Variants in ABHD3 observed in about 807,000 individuals in gnomAD.
ABHD3 encodes abhydrolase domain containing 3, phospholipase.
ABHD3 carries 46 observed loss-of-function variants against 48.8 expected under a neutral mutation model. That is an observed-to-expected ratio of 0.94 (90% confidence interval 0.74 to 1.20). The LOEUF (loss-of-function observed/expected upper bound fraction) is 1.20. Ranked by LOEUF, ABHD3 falls within the 50% of genes most tolerant of loss-of-function variation. The probability of loss-of-function intolerance (pLI) is 0.00; values close to 1 mark genes in which losing one functional copy is unlikely to be tolerated. For synonymous variants in ABHD3, 192 were observed against 183.7 expected (o/e 1.04, Z -0.36); for missense variants, 490 against 497.8 (o/e 0.98, Z 0.15).
At chr18:21,656,819 A>G (rs1233134895) in intron 8 of ABHD3, 42 bp downstream of exon 8, 1 of 1,490,244 alleles carries the variant, frequency 6.7e-7, no homozygotes, top group East Asian at 2.4e-5. Flanking sequence ...ATATATTAAA[A>G]GTTGATTCAT....
Position 21,651,691 on chromosome 18 carries a change from C to G in ABHD3, c.1130G>C (p.Gly377Ala). Residue 377 changes from glycine to alanine, a missense_variant, in exon 9 of 9, where the codon GGT becomes GCT. By Grantham distance (60) the Gly-to-Ala change is moderately conservative. Transcript: ENST00000289119. ...LVLTSYGGHI[G>A]FLEGIWPRQS... Reference sequence around the variant, plus strand: ...TCTTGGCCAGATTCCCTCCAGAAAACCAATATGGCCTCCATAAGAAGTAAG... The same window carrying G: ...TCTTGGCCAGATTCCCTCCAGAAAAGCAATATGGCCTCCATAAGAAGTAAG... The G allele has an allele frequency of 6.2e-7, 1 of 1,610,816 alleles. No individual in the cohort carries two copies. The highest frequency in any genetic ancestry group is 8.5e-7 in the Non-Finnish European group (1 of 1,178,792).
intron 6 of ABHD3, among the ~76,000 whole-genome samples, chr18:21,657,677 T>A (rs1382584651): frequency 6.6e-6 from 1 of 152,104 alleles, no homozygotes; most frequent in African/African-American, 2.4e-5. Flanking sequence ...GTGTTTAATG[T>A]CAACTTCCAG....
At chr18:21,656,408 A>G (rs773307399) in intron 8 of ABHD3, among the ~76,000 whole-genome samples, 4 of 152,178 alleles carry the variant, frequency 2.6e-5, no homozygotes, top group Non-Finnish European at 5.9e-5. Context: ...ATGACCTTCT[A>G]GTCCAAATAT....
intron 4 of ABHD3, among the ~76,000 whole-genome samples, chr18:21,680,161 G>A (rs1020704959): frequency 6.6e-6 from 1 of 152,012 alleles, no homozygotes; most frequent in Non-Finnish European, 1.5e-5. Context: ...CTAAAGGTAT[G>A]TGTCACTACA....
At position 21,704,640 on chromosome 18, in the gene ABHD3, C is replaced by T. The variant is rs539835840; in HGVS notation, c.26G>A (p.Arg9Gln). Residue 9 changes from arginine (R) to glutamine (Q), a missense_variant, in exon 1 of 9, where the codon CGG (arginine) becomes CAG (glutamine). Arg to Gln is a conservative substitution (Grantham distance 43). Transcript: ENST00000289119. MQRLAMDL[R>Q]MLSRELSLYL... is the part of the protein sequence containing the mutation. ...GAGGGAGAGCTCCCGGGACAACATCCGCAGGTCCATGGCCAGGCGCTGCAT... is the reference window on the plus strand; with the variant it reads ...GAGGGAGAGCTCCCGGGACAACATCTGCAGGTCCATGGCCAGGCGCTGCAT... 2 of 1,544,344 alleles carry T rather than the reference C, an allele frequency of 1.3e-6. No individual in the cohort carries two copies. The highest frequency in any genetic ancestry group is 2.7e-5 in the East Asian group (1 of 37,444).
At chr18:21,704,376 C>G (rs1418636654) in intron 1 of ABHD3, 128 bp downstream of exon 1, 1 of 1,040,152 alleles carries the variant, frequency 9.6e-7, no homozygotes, top group African/African-American at 1.7e-5. Flanking sequence ...CTGGGGGCTG[C>G]CGCTCGGGAG....
At chr18:21,702,219 G>T in intron 3 of ABHD3, 97 bp downstream of exon 3, 1 of 1,096,526 alleles carries the variant, frequency 9.1e-7, no homozygotes, top group Non-Finnish European at 1.3e-6. Flanking sequence ...GCTTTTCTAT[G>T]CAAGAAGTAC....
chr18:21,663,889 C>G, intron 5 of ABHD3: 1 of 1,442,140 alleles, frequency 6.9e-7, no homozygotes. Context: ...TTCAGGCTCA[C>G]AAAATCCGCA....
chr18:21,698,702 A>C (rs1008826466), intron 3 of ABHD3, among the ~76,000 whole-genome samples: 23 of 151,730 alleles, frequency 1.5e-4, no homozygotes, highest in Non-Finnish European at 2.8e-4. Flanking sequence ...TCAGCCTCCC[A>C]AGTAGCTGGG....
At chr18:21,695,766 CACT>C (rs2040355862) in intron 3 of ABHD3, among the ~76,000 whole-genome samples, 1 of 152,144 alleles carries the variant, frequency 6.6e-6, no homozygotes, top group Non-Finnish European at 1.5e-5. Context: ...TTTATACCGT[CACT>C]ACTATTTTGA....
chr18:21,689,216 T>C (rs1263690880), intron 3 of ABHD3, among the ~76,000 whole-genome samples: 2 of 151,998 alleles, frequency 1.3e-5, no homozygotes, highest in African/African-American at 4.8e-5. Flanking sequence ...AAGGCAGTAG[T>C]TGGGTATTAC....
intron 8 of ABHD3, among the ~76,000 whole-genome samples, chr18:21,652,978 G>A (rs1365546032): frequency 1.4e-5 from 2 of 146,868 alleles, no homozygotes; most frequent in Non-Finnish European, 3.0e-5. Flanking sequence ...GCTTGAACCC[G>A]GGAGGCAGAG....
At chr18:21,684,335 G>A (rs1438756784) in intron 3 of ABHD3, among the ~76,000 whole-genome samples, 1 of 20,866 alleles carries the variant, frequency 4.8e-5, no homozygotes, top group African/African-American at 1.1e-4. Flanking sequence ...TTTTTTTTTT[G>A]AGATGGAGTC....
At chr18:21,703,544 G>A in intron 2 of ABHD3, 40 bp downstream of exon 2, 1 of 1,586,814 alleles carries the variant, frequency 6.3e-7, no homozygotes. Context: ...CAAACAACCT[G>A]TGATTTTGCA....
At chr18:21,685,909 A>C (rs990064117) in intron 3 of ABHD3, among the ~76,000 whole-genome samples, 7 of 152,196 alleles carry the variant, frequency 4.6e-5, no homozygotes, top group Admixed American at 6.5e-5. Flanking sequence ...TGTTAGTCAG[A>C]TCGTTCTAAA....
chr18:21,660,904 T>C (rs925719352), intron 5 of ABHD3, among the ~76,000 whole-genome samples: 2 of 151,842 alleles, frequency 1.3e-5, no homozygotes, highest in Non-Finnish European at 2.9e-5. Context: ...GGGAGGCTGG[T>C]AAAATGCACA....
chr18:21,704,741 G>C lies in ABHD3; in HGVS notation c.-76C>G. 1 of 1,287,094 alleles carries C rather than the reference G, an allele frequency of 7.8e-7. No homozygotes were observed. The highest frequency in any genetic ancestry group is 1.0e-6 in the Non-Finnish European group (1 of 1,002,236). The allele number at this position is 1,287,094 out of a possible 1,614,324, so 79.7% of individuals were successfully genotyped here. A position where few individuals can be genotyped will look rare whatever the true frequency, so the allele number is the denominator to read the frequency against. On this transcript the variant is annotated 5_prime_UTR_variant, in exon 1 of 9. Coordinates refer to ENST00000289119, the MANE Select transcript of ABHD3 (RefSeq NM_138340.5). Reference sequence around the variant, plus strand: ...CGAGCGGGCGAGAGCGGGCGAGAGCGGACGCGGCGCCGCTGCCTACTCCCG... The same window carrying C: ...CGAGCGGGCGAGAGCGGGCGAGAGCCGACGCGGCGCCGCTGCCTACTCCCG...
chr18:21,703,821 G>A, intron 1 of ABHD3, 74 bp from the exon 2 acceptor site: 9 of 1,532,356 alleles, frequency 5.9e-6, no homozygotes, highest in Non-Finnish European at 8.0e-6. Flanking sequence ...AACCGGCAAA[G>A]ACTTGTCGCT....
At chr18:21,652,258 C>T (rs910685030) in intron 8 of ABHD3, among the ~76,000 whole-genome samples, 8 of 149,946 alleles carry the variant, frequency 5.3e-5, no homozygotes, top group African/African-American at 1.7e-4. Context: ...TTTGGGAGGC[C>T]GAAGTGAGAG....
Sources: allele counts gnomAD v4.1 joint callset (sites outside exome capture counted in the v4.1 genomes callset), GRCh38; gene constraint gnomAD v4.1.1; transcripts MANE v1.5; gene names NCBI Gene and HGNC (gene_info 2026-07-23, HGNC 2026-07-21).